CELF2: variants seen among roughly 807,000 people sequenced by gnomAD.
CELF2 encodes CUG triplet repeat RNA-binding protein 2.
Under a neutral mutation model 62.6 loss-of-function variants are expected in CELF2, and 8 were observed. That is an observed-to-expected ratio of 0.13 (90% CI 0.07 to 0.23). The LOEUF (loss-of-function observed/expected upper bound fraction) is 0.23. Among genes scored for constraint, CELF2 ranks in the 10% least tolerant of loss-of-function variants. The probability of loss-of-function intolerance (pLI) is 1.00; values close to 1 mark genes in which losing one functional copy is unlikely to be tolerated. For synonymous variants in CELF2, 258 were observed against 250.0 expected (o/e 1.03, Z -0.30); for missense variants, 333 against 671.0 (o/e 0.50, Z 5.56).
chr10:10,945,397 T>A (rs1372520539), intron 2 of CELF2, among the ~76,000 whole-genome samples: 3 of 152,156 alleles, frequency 2.0e-5, no homozygotes, highest in African/African-American at 7.2e-5. Flanking sequence ...ATAGGCACCA[T>A]AGCATTTTGT....
chr10:11,182,774 G>A (rs1279077019), intron 2 of CELF2, among the ~76,000 whole-genome samples: 1 of 152,194 alleles, frequency 6.6e-6, no homozygotes, highest in African/African-American at 2.4e-5. Context: ...TGGCCCTGTT[G>A]TGTTAATGGA....
Position 11,177,609 on chromosome 10 carries a change from C to T in CELF2, c.271+11927C>T, listed in dbSNP as rs1266051780. On this transcript the variant is annotated intron_variant, in intron 2 of 12. Transcript: ENST00000633077. This position sits in a 1 kb window ranked among gnomAD's most constrained non-coding sequence, Gnocchi z 4.8. ...AACAGACCAGCCTGGTTTCACGTTCCAGACAGCATGAAGTACCTCAACAGC... is the reference window on the plus strand; with the variant it reads ...AACAGACCAGCCTGGTTTCACGTTCTAGACAGCATGAAGTACCTCAACAGC... Among the ~76,000 whole-genome samples, 1 of 152,192 alleles carries T rather than the reference C, an allele frequency of 6.6e-6. No homozygotes were observed. The highest frequency in any genetic ancestry group is 1.5e-5 in the Non-Finnish European group (1 of 68,034).
At chr10:10,594,741 A>G in the CELF2 span, among the ~76,000 whole-genome samples, 1 of 152,158 alleles carries the variant, frequency 6.6e-6, no homozygotes, top group Non-Finnish European at 1.5e-5. Flanking sequence ...AATTCTCTCA[A>G]CCCTTAATTC....
At chr10:10,871,908 T>C (rs544593313) in intron 1 of CELF2, among the ~76,000 whole-genome samples, 1 of 152,324 alleles carries the variant, frequency 6.6e-6, no homozygotes, top group South Asian at 2.1e-4. Context: ...AAGTCTCCTA[T>C]TATAGGAGCT....
At chr10:11,291,318 A>G (rs1457866153) in intron 9 of CELF2, among the ~76,000 whole-genome samples, 4 of 152,194 alleles carry the variant, frequency 2.6e-5, no homozygotes, top group Admixed American at 1.3e-4. Flanking sequence ...CATACCCAGG[A>G]AAAGTCTCCC....
intron 1 of CELF2, among the ~76,000 whole-genome samples, chr10:10,799,765 T>A (rs552820603): frequency 6.6e-6 from 1 of 152,298 alleles, no homozygotes; most frequent in South Asian, 2.1e-4. Flanking sequence ...AGTTCATGCA[T>A]CCTGTCTAAG....
intron 1 of CELF2, among the ~76,000 whole-genome samples, chr10:10,869,287 G>T (rs769269257): frequency 6.6e-6 from 1 of 152,120 alleles, no homozygotes; most frequent in Non-Finnish European, 1.5e-5. Flanking sequence ...TAACAGGTGG[G>T]GCGCGGTGGC....
At chr10:11,197,808 C>A (rs1018882118) in intron 2 of CELF2, among the ~76,000 whole-genome samples, 1 of 152,240 alleles carries the variant, frequency 6.6e-6, no homozygotes, top group Non-Finnish European at 1.5e-5. Flanking sequence ...ATATTTACTG[C>A]TGACTGCATT....
chr10:11,058,457 GTTGGT>G (rs2065859360), intron 1 of CELF2, among the ~76,000 whole-genome samples: 2 of 115,180 alleles, frequency 1.7e-5, no homozygotes, highest in African/African-American at 3.3e-5. Context: ...GGTTTTTTTT[GTTGGT>G]TTTTTTTTTT....
the CELF2 span, among the ~76,000 whole-genome samples, chr10:10,585,365 G>A: frequency 4.9e-3 from 741 of 152,224 alleles, 3 homozygotes; most frequent in African/African-American, 0.017. Flanking sequence ...CTTGGCTTCC[G>A]TTATCTTTCC....
At chr10:11,138,662 G>T (rs1392989594) in intron 1 of CELF2, among the ~76,000 whole-genome samples, 1 of 152,194 alleles carries the variant, frequency 6.6e-6, no homozygotes, top group Non-Finnish European at 1.5e-5. Flanking sequence ...CAGGTGTCAT[G>T]AACTGGCTTT....
At chr10:10,594,012 G>A in the CELF2 span, among the ~76,000 whole-genome samples, 1 of 152,168 alleles carries the variant, frequency 6.6e-6, no homozygotes, top group Non-Finnish European at 1.5e-5. Context: ...ACTTCATCGT[G>A]ATCATTATTA....
intron 1 of CELF2, among the ~76,000 whole-genome samples, chr10:10,811,862 G>C (rs2131741207): frequency 6.6e-6 from 1 of 152,150 alleles, no homozygotes; most frequent in East Asian, 1.9e-4. Context: ...AGGCCTAGTT[G>C]AGAAGAGGGC....
At chr10:11,100,198 T>C (rs914629029) in intron 1 of CELF2, among the ~76,000 whole-genome samples, 42 of 151,832 alleles carry the variant, frequency 2.8e-4, no homozygotes, top group Non-Finnish European at 4.4e-4. Flanking sequence ...AGCGAGACTC[T>C]GTCTCAAAAT....
chr10:10,670,664 G>C, the CELF2 span, among the ~76,000 whole-genome samples: 1 of 152,040 alleles, frequency 6.6e-6, no homozygotes, highest in South Asian at 2.1e-4. Context: ...CTATGGATTT[G>C]GACACATGTA....
intron 1 of CELF2, among the ~76,000 whole-genome samples, chr10:11,023,427 CTAAT>C (rs2058661792): frequency 2.6e-5 from 4 of 152,200 alleles, no homozygotes; most frequent in African/African-American, 7.2e-5. Context: ...GAAACAAAAA[CTAAT>C]TAGAGCAGCA....
intron 1 of CELF2, among the ~76,000 whole-genome samples, chr10:10,813,098 T>C (rs1564656273): frequency 6.6e-6 from 1 of 152,240 alleles, no homozygotes; most frequent in African/African-American, 2.4e-5. Context: ...ATTCTCTTTA[T>C]ATTGATCCTC....
At chr10:10,921,036 C>T (rs973261640) in intron 2 of CELF2, among the ~76,000 whole-genome samples, 3 of 152,110 alleles carry the variant, frequency 2.0e-5, no homozygotes, top group Non-Finnish European at 4.4e-5. Context: ...CTCACTGCAA[C>T]TTCCACCTCC....
rs2065876567 is a variant in CELF2 at position 11,224,569 on chromosome 10, C to T, written c.354+7062C>T. Among the ~76,000 whole-genome samples the T allele has an allele frequency of 6.6e-6, 1 of 152,060 alleles. No homozygotes were observed. Among genetic ancestry groups the T allele is most frequent in the South Asian group, 2.1e-4 (1 of 4,816 alleles). ...TTGATTAAAGGTCTGCATGGAATTA[C>T]AGAGGAAGGAGGTGAGCCATGATAA... On this transcript the variant is annotated intron_variant, in intron 3 of 12. Coordinates refer to ENST00000633077, the MANE Select transcript of CELF2 (RefSeq NM_001326342.2). This position sits in a 1 kb window ranked among gnomAD's most constrained non-coding sequence, Gnocchi z 4.5.
Sources: allele counts gnomAD v4.1 joint callset (sites outside exome capture counted in the v4.1 genomes callset), GRCh38; gene constraint gnomAD v4.1.1; non-coding constraint Gnocchi (gnomAD v3.1); transcripts MANE v1.5; gene names NCBI Gene and HGNC (gene_info 2026-07-23, HGNC 2026-07-21).